RBFOX1: variants seen among roughly 807,000 people sequenced by gnomAD.
RBFOX1 encodes RNA binding protein fox-1 homolog 1.
In RBFOX1, 8 loss-of-function variants were observed where a neutral mutation model predicts 57.7. The observed-to-expected ratio is 0.14, with a 90% CI of 0.08 to 0.25. RBFOX1 has a LOEUF of 0.25. RBFOX1 is among the 10% of genes least tolerant of loss of function. RBFOX1 has a pLI of 1.00. For synonymous variants in RBFOX1, 326 were observed against 222.4 expected, an observed-to-expected ratio of 1.47 and a Z score of -4.15; for missense variants, 611 against 548.5, an observed-to-expected ratio of 1.11 and a Z score of -1.14.
chr16:6,997,390 A>C (rs2092355024), intron 3 of RBFOX1, among the ~76,000 whole-genome samples: 1 of 152,212 alleles, frequency 6.6e-6, no homozygotes. Context: ...TGTTGAAAAT[A>C]TGTTGAATTT....
chr16:6,422,386 A>C (rs941515494), intron 2 of RBFOX1, among the ~76,000 whole-genome samples: 2 of 151,936 alleles, frequency 1.3e-5, no homozygotes, highest in African/African-American at 4.8e-5. Flanking sequence ...TCTTCAGCCC[A>C]TGCCCTCCTC....
In RBFOX1 at chr16:6,306,992, C is replaced by CAA. The variant is rs202097844; in HGVS notation, c.-126-9999_-126-9998dup. ...TAGACATGAACCTGAAGGCACCACCCAAAAAGTCAAACTAGACAACATCTC... is the reference window on the plus strand; with the variant it reads ...TAGACATGAACCTGAAGGCACCACCCAAAAAAAGTCAAACTAGACAACATCTC... On this transcript the variant is annotated intron_variant, in intron 1 of 15. Transcript: ENST00000550418. Among the ~76,000 whole-genome samples, 1,298 of 152,110 alleles carry CAA rather than the reference C, an allele frequency of 8.5e-3. 24 individuals are homozygous for CAA. The highest frequency in any genetic ancestry group is 0.029 in the African/African-American group (1,204 of 41,484).
At chr16:6,925,230 C>G (rs1180346230) in intron 3 of RBFOX1, among the ~76,000 whole-genome samples, 1 of 138,900 alleles carries the variant, frequency 7.2e-6, no homozygotes. Flanking sequence ...GCCTCCCGGG[C>G]TCAAGCAATT....
rs147731479 is a variant in RBFOX1 at position 7,363,399 on chromosome 16, A to G, written c.28-154748A>G. On this transcript the variant is annotated intron_variant, in intron 4 of 15. Transcript: ENST00000550418. ...ACAAAGCCAATTGCATTACCTTGCC[A>G]TGAGCAGCCAATGAAATGGCTAGCA... 2.5e-3 allele frequency among the ~76,000 whole-genome samples: 381 copies of G among 152,282 alleles called. 2 individuals are homozygous for G. Among genetic ancestry groups the G allele is most frequent in the Non-Finnish European group, 3.8e-3 (260 of 68,020 alleles).
intron 1 of RBFOX1, among the ~76,000 whole-genome samples, chr16:5,242,099 G>C (rs1185954627): frequency 6.6e-6 from 1 of 151,988 alleles, no homozygotes; most frequent in Non-Finnish European, 1.5e-5. Context: ...AGGTGACAAA[G>C]TGAGACCCTG....
chr16:6,898,807 C>T (rs1010376415), intron 3 of RBFOX1, among the ~76,000 whole-genome samples: 7 of 150,786 alleles, frequency 4.6e-5, no homozygotes, highest in Admixed American at 3.3e-4. Flanking sequence ...GTCTGTATAA[C>T]GTGCATGTGT....
chr16:6,569,521 A>T (rs2097314782), intron 2 of RBFOX1, among the ~76,000 whole-genome samples: 1 of 152,346 alleles, frequency 6.6e-6, no homozygotes, highest in East Asian at 1.9e-4. Flanking sequence ...TGTCCTAGAC[A>T]GACCTCTGAG....
At chr16:5,342,901 T>G (rs1475989920) in intron 1 of RBFOX1, among the ~76,000 whole-genome samples, 1 of 151,664 alleles carries the variant, frequency 6.6e-6, no homozygotes, top group African/African-American at 2.4e-5. Context: ...TATAGGGAGA[T>G]TAACCCCTAC....
intron 5 of RBFOX1, among the ~76,000 whole-genome samples, chr16:7,565,082 G>A (rs9939867): frequency 6.6e-6 from 1 of 152,294 alleles, no homozygotes; most frequent in Non-Finnish European, 1.5e-5. Flanking sequence ...GGATCTGCAC[G>A]AGCCCCGTTT....
chr16:7,562,235 G>A (rs1187911354), intron 5 of RBFOX1, among the ~76,000 whole-genome samples: 2 of 152,140 alleles, frequency 1.3e-5, no homozygotes, highest in East Asian at 1.9e-4. Flanking sequence ...TTTTATCTGG[G>A]GATTTATAAA....
intron 1 of RBFOX1, among the ~76,000 whole-genome samples, chr16:6,127,723 T>A (rs1283315696): frequency 1.3e-5 from 2 of 152,208 alleles, no homozygotes; most frequent in Non-Finnish European, 2.9e-5. Flanking sequence ...CACCATTAAA[T>A]AAATGTTCAA....
chr16:5,812,693 C>T (rs936362782), intron 3 of RBFOX1, among the ~76,000 whole-genome samples: 2 of 152,102 alleles, frequency 1.3e-5, no homozygotes, highest in Non-Finnish European at 2.9e-5. Context: ...AACTCCTGGC[C>T]TCAAGCAGTC....
intron 4 of RBFOX1, among the ~76,000 whole-genome samples, chr16:7,374,896 G>T (rs947248035): frequency 6.6e-6 from 1 of 152,246 alleles, no homozygotes; most frequent in South Asian, 2.1e-4. Context: ...TCTCTTCCAT[G>T]ACCTGCCAGC....
chr16:5,374,456 T>G (rs1420115637), intron 1 of RBFOX1, among the ~76,000 whole-genome samples: 1 of 152,060 alleles, frequency 6.6e-6, no homozygotes, highest in African/African-American at 2.4e-5. Context: ...GAGGGAGCCC[T>G]GTGAGAAAAG....
At chr16:7,259,666 C>G in intron 4 of RBFOX1, among the ~76,000 whole-genome samples, 1 of 152,020 alleles carries the variant, frequency 6.6e-6, no homozygotes, top group East Asian at 1.9e-4. Flanking sequence ...GAAATTTTAT[C>G]ACTAACTTGA....
At chr16:6,645,359 C>G (rs1025460484) in intron 2 of RBFOX1, among the ~76,000 whole-genome samples, 1 of 152,120 alleles carries the variant, frequency 6.6e-6, no homozygotes, top group African/African-American at 2.4e-5. Context: ...CTACTCACTT[C>G]TAAATCCTCT....
At chr16:7,586,079 CA>C in intron 6 of RBFOX1, among the ~76,000 whole-genome samples, 1 of 151,804 alleles carries the variant, frequency 6.6e-6, no homozygotes, top group East Asian at 1.9e-4. Flanking sequence ...CAAAACAAAA[CA>C]AAAAAAGAGG....
rs553020189 is a variant in RBFOX1 at position 5,802,803 on chromosome 16, A to C, written c.319-64500A>C. Among the ~76,000 whole-genome samples, 174 of 152,304 alleles carry C rather than the reference A, an allele frequency of 1.1e-3. 1 individual carries two copies. Among genetic ancestry groups the C allele is most frequent in the Middle Eastern group, 3.4e-3 (1 of 294 alleles). On this transcript the variant is annotated intron_variant, in intron 3 of 19. Transcript: ENST00000641259. ...CACTTATATATTGGTTCATTTGTTC[A>C]TCCATCTATACACATATGAATGTAT...
chr16:5,702,003 G>T (rs1440313081), intron 3 of RBFOX1, among the ~76,000 whole-genome samples: 1 of 152,290 alleles, frequency 6.6e-6, no homozygotes, highest in South Asian at 2.1e-4. Flanking sequence ...CTGGTAGAAA[G>T]TAAGAGCTCA....
Sources: allele counts gnomAD v4.1 joint callset (sites outside exome capture counted in the v4.1 genomes callset), GRCh38; gene constraint gnomAD v4.1.1; transcripts MANE v1.5; gene names NCBI Gene and HGNC (gene_info 2026-07-23, HGNC 2026-07-21).